Variants in RXRG observed in about 807,000 individuals in gnomAD.
The protein encoded by RXRG is retinoic acid receptor RXR-gamma.
In RXRG, 19 loss-of-function variants were observed where a neutral mutation model predicts 49.2. That is an observed-to-expected ratio of 0.39 (90% CI 0.27 to 0.57). RXRG has a LOEUF of 0.57. Among genes scored for constraint, RXRG ranks in the 20% least tolerant of loss-of-function variants. RXRG has a pLI of 0.64. For missense variants in RXRG, 452 were observed against 592.5 expected (o/e 0.76, Z 2.46); for synonymous variants, 224 against 216.6 (o/e 1.03, Z -0.30).
chr1:165,402,352 C>G (rs1657606268), intron 9 of RXRG, among the ~76,000 whole-genome samples: 1 of 152,208 alleles, frequency 6.6e-6, no homozygotes, highest in Non-Finnish European at 1.5e-5. Flanking sequence ...TCCCAAAGTG[C>G]TGGGATTACA....
intron 7 of RXRG, 36 bp from the exon 8 acceptor site, chr1:165,408,354 G>T: frequency 3.4e-6 from 5 of 1,452,720 alleles, no homozygotes; most frequent in Non-Finnish European, 4.8e-6. Flanking sequence ...TGAGAAAACC[G>T]TAAGTAACAG....
intron 1 of RXRG, among the ~76,000 whole-genome samples, chr1:165,441,294 C>T (rs1310988792): frequency 3.9e-5 from 6 of 152,216 alleles, no homozygotes; most frequent in African/African-American, 1.2e-4. Flanking sequence ...CTGCAACAAC[C>T]AGTCAGTGCT....
At chr1:165,419,177 A>G (rs1658228605) in intron 3 of RXRG, among the ~76,000 whole-genome samples, 1 of 152,206 alleles carries the variant, frequency 6.6e-6, no homozygotes, top group African/African-American at 2.4e-5. Context: ...AGAATCAAAG[A>G]TAAGTTGGTG....
chr1:165,440,294 G>A (rs1658941988), intron 1 of RXRG, among the ~76,000 whole-genome samples: 2 of 152,076 alleles, frequency 1.3e-5, no homozygotes, highest in Non-Finnish European at 2.9e-5. Context: ...TTTTACATCT[G>A]TATAATGGGG....
chr1:165,406,591 G>A (rs1282419189), intron 9 of RXRG, among the ~76,000 whole-genome samples: 3 of 152,110 alleles, frequency 2.0e-5, no homozygotes, highest in African/African-American at 4.8e-5. Context: ...ACTATGTGTC[G>A]GGCACTATTT....
At chr1:165,405,322 C>A (rs1312684416) in intron 9 of RXRG, among the ~76,000 whole-genome samples, 1 of 152,240 alleles carries the variant, frequency 6.6e-6, no homozygotes, top group Admixed American at 6.5e-5. Context: ...AGAGGCCAAG[C>A]TATTGCTGGC....
At chr1:165,421,747 G>A (rs552140814) in intron 2 of RXRG, among the ~76,000 whole-genome samples, 2 of 152,136 alleles carry the variant, frequency 1.3e-5, no homozygotes, top group South Asian at 2.1e-4. Context: ...GGTCAGACTG[G>A]TCTCGAACTC....
At chr1:165,434,271 CAT>C (rs56368263) in intron 1 of RXRG, among the ~76,000 whole-genome samples, 71,332 of 120,714 alleles carry the variant, frequency 0.59, 18,720 homozygotes, top group Middle Eastern at 0.72. Flanking sequence ...CAATGAATTG[CAT>C]GTGTGTATGT....
In RXRG at chr1:165,401,306, G is replaced by C. The variant is rs1462496099; in HGVS notation, c.1349C>G (p.Thr450Ser). The C allele has an allele frequency of 1.9e-6, 3 of 1,614,042 alleles. No individual in the cohort carries two copies. The highest frequency in any genetic ancestry group is 1.6e-4 in the Middle Eastern group (1 of 6,084). The change falls in exon 10 of 10, where the codon ACC (threonine) becomes AGC (serine). Residue 450 changes from threonine (T) to serine (S), a missense_variant. Thr to Ser is a moderately conservative substitution (Grantham distance 58, BLOSUM62 1). Coordinates refer to ENST00000359842, the MANE Select transcript of RXRG (RefSeq NM_006917.5). ...GGTCTCCAACATCTCCATGAGGAAGGTGTCAATGGGGGTGTCCCCGATGAG... is the reference window on the plus strand; with the variant it reads ...GGTCTCCAACATCTCCATGAGGAAGCTGTCAATGGGGGTGTCCCCGATGAG... ...FKLIGDTPID[T>S]FLMEMLETPL...
chr1:165,416,663 T>C (rs1399715270), intron 4 of RXRG, among the ~76,000 whole-genome samples: 2 of 152,146 alleles, frequency 1.3e-5, no homozygotes, highest in Non-Finnish European at 2.9e-5. Context: ...GAGCAGATCA[T>C]AAGGACCCTG....
chr1:165,422,514 G>T (rs922041759), intron 2 of RXRG, among the ~76,000 whole-genome samples: 1 of 152,232 alleles, frequency 6.6e-6, no homozygotes, highest in East Asian at 1.9e-4. Flanking sequence ...TCAAAAATGT[G>T]TAGGATTTGG....
At chr1:165,403,369 T>C (rs1657645097) in intron 9 of RXRG, among the ~76,000 whole-genome samples, 1 of 152,254 alleles carries the variant, frequency 6.6e-6, no homozygotes, top group Non-Finnish European at 1.5e-5. Flanking sequence ...GAATCTTTAC[T>C]GAGTGTCACA....
chr1:165,421,646 C>T (rs916855451), intron 2 of RXRG, among the ~76,000 whole-genome samples: 1 of 151,948 alleles, frequency 6.6e-6, no homozygotes, highest in Non-Finnish European at 1.5e-5. Context: ...TCCCCTGCCT[C>T]AGCCTCCCAA....
intron 2 of RXRG, among the ~76,000 whole-genome samples, chr1:165,427,496 A>G (rs1406691165): frequency 6.6e-6 from 1 of 152,086 alleles, no homozygotes; most frequent in Non-Finnish European, 1.5e-5. Flanking sequence ...GTGCAGTGGC[A>G]TGGTGGCACT....
At chr1:165,441,832 C>T (rs1557929384) in intron 1 of RXRG, among the ~76,000 whole-genome samples, 1 of 152,140 alleles carries the variant, frequency 6.6e-6, no homozygotes, top group African/African-American at 2.4e-5. Context: ...CTGGACTTGG[C>T]AGAGAAGGAG....
chr1:165,411,624 A>C (rs1657952054), intron 4 of RXRG, among the ~76,000 whole-genome samples: 1 of 152,132 alleles, frequency 6.6e-6, no homozygotes, highest in African/African-American at 2.4e-5. Flanking sequence ...GTCAGGGAAG[A>C]TCTTTAGGGA....
chr1:165,414,306 A>G (rs1472505245), intron 4 of RXRG, among the ~76,000 whole-genome samples: 3 of 152,216 alleles, frequency 2.0e-5, no homozygotes, highest in Non-Finnish European at 4.4e-5. Flanking sequence ...CCAACTTTCT[A>G]TTAAAGTACC....
intron 9 of RXRG, 84 bp downstream of exon 9, chr1:165,406,728 G>T: frequency 1.0e-6 from 1 of 961,288 alleles, no homozygotes; most frequent in South Asian, 1.3e-5. Context: ...CACCTAAACA[G>T]TGCCTGCTGC....
chr1:165,435,618 A>G (rs1218781078), intron 1 of RXRG, among the ~76,000 whole-genome samples: 2 of 152,216 alleles, frequency 1.3e-5, no homozygotes, highest in East Asian at 3.8e-4. Flanking sequence ...TTCTTACCCT[A>G]TGCTCTTCAC....
Sources: gnomAD v4.1 joint callset for allele counts (sites outside exome capture counted in the v4.1 genomes callset) on GRCh38, gnomAD v4.1.1 for gene constraint, MANE v1.5 for transcripts, NCBI Gene and HGNC (gene_info 2026-07-23, HGNC 2026-07-21) for gene names.